KMT2C: variants seen among roughly 807,000 people sequenced by gnomAD.
KMT2C encodes histone-lysine N-methyltransferase 2C.
KMT2C carries 88 observed loss-of-function variants against 507.9 expected under a neutral mutation model. The observed-to-expected ratio is 0.17, with a 90% CI of 0.15 to 0.21. The LOEUF (loss-of-function observed/expected upper bound fraction) is 0.21, where lower values mean the gene tolerates loss of function less well. Among genes scored for constraint, KMT2C ranks in the 10% least tolerant of loss-of-function variants. KMT2C has a pLI of 1.00. For synonymous variants in KMT2C, 2,049 were observed against 2,080.8 expected (o/e 0.98, Z 0.42); for missense variants, 4,954 against 5,957.8 (o/e 0.83, Z 5.55).
chr7:152,255,128 T>TATATAC (rs2095632662), intron 9 of KMT2C, among the ~76,000 whole-genome samples: 1 of 127,374 alleles, frequency 7.9e-6, no homozygotes, highest in South Asian at 2.4e-4. Context: ...TATATATATA[T>TATATAC]ATATATATAT....
intron 39 of KMT2C, among the ~76,000 whole-genome samples, chr7:152,171,638 A>G (rs1163378425): frequency 6.6e-6 from 1 of 152,262 alleles, no homozygotes; most frequent in African/African-American, 2.4e-5. Context: ...GAAGCCAGCT[A>G]GGCTGACTCT....
At chr7:152,147,737 A>C (rs1483992827) in intron 52 of KMT2C, among the ~76,000 whole-genome samples, 1 of 151,084 alleles carries the variant, frequency 6.6e-6, no homozygotes, top group East Asian at 1.9e-4. Context: ...AAGAAAAAGA[A>C]AAAGAAAAAG....
chr7:152,195,960 T>A lies in KMT2C; in HGVS notation c.4325A>T (p.Asp1442Val), dbSNP rs1317486438. 6.2e-7 allele frequency: 1 copy of A among 1,610,944 alleles called. No individual in the cohort carries two copies. The highest frequency in any genetic ancestry group is 1.1e-5 in the South Asian group (1 of 90,814). The change falls in exon 28 of 59, where the codon GAT becomes GTT. Residue 1442 changes from aspartate (D) to valine (V), a missense_variant. Asp to Val is a radical substitution (Grantham distance 152). Coordinates refer to ENST00000262189, the MANE Select transcript of KMT2C (RefSeq NM_170606.3). ...ADISEVLNTD[D>V]DILGIISDDL... ...ATCTGAAATTATTCCAAGAATGTCATCATCTGTGTTTAAAACTTCAGAAAT... is the reference window on the plus strand; with the variant it reads ...ATCTGAAATTATTCCAAGAATGTCAACATCTGTGTTTAAAACTTCAGAAAT...
chr7:152,154,169 G>A (rs2091870697), intron 47 of KMT2C, 23 bp from the exon 48 acceptor site: 2 of 1,611,940 alleles, frequency 1.2e-6, no homozygotes, highest in Non-Finnish European at 1.7e-6. Flanking sequence ...AGAAAAAAAA[G>A]AGGAAAATAG....
intron 31 of KMT2C, among the ~76,000 whole-genome samples, chr7:152,189,332 T>C (rs1332732504): frequency 6.6e-6 from 1 of 152,212 alleles, no homozygotes; most frequent in Non-Finnish European, 1.5e-5. Context: ...CTTGATGATT[T>C]GTGGAAATAC....
intron 34 of KMT2C, 140 bp downstream of exon 34, chr7:152,185,418 C>G (rs2093595602): frequency 3.3e-6 from 2 of 600,500 alleles, no homozygotes; most frequent in East Asian, 5.7e-5. Flanking sequence ...TAGAAAATCA[C>G]TTTAAAAATA....
At chr7:152,421,833 C>T (rs549095101) in intron 1 of KMT2C, among the ~76,000 whole-genome samples, 20 of 152,084 alleles carry the variant, frequency 1.3e-4, no homozygotes, top group Non-Finnish European at 1.3e-4. Context: ...TAAGCCTCAG[C>T]GACACGCAAT....
intron 9 of KMT2C, among the ~76,000 whole-genome samples, chr7:152,261,776 C>A (rs934240285): frequency 9.2e-5 from 14 of 152,092 alleles, no homozygotes; most frequent in African/African-American, 3.1e-4. Flanking sequence ...AGTAGAGGAA[C>A]TGAGTGAAGA....
chr7:152,425,748 G>T (rs1336366083), intron 1 of KMT2C, among the ~76,000 whole-genome samples: 1 of 151,854 alleles, frequency 6.6e-6, no homozygotes, highest in Non-Finnish European at 1.5e-5. Context: ...AGGAAATCAA[G>T]GAAATTCTTT....
chr7:152,226,565 A>G (rs2094940575), intron 18 of KMT2C, among the ~76,000 whole-genome samples: 1 of 152,120 alleles, frequency 6.6e-6, no homozygotes, highest in Non-Finnish European at 1.5e-5. Flanking sequence ...TTGATTTTTA[A>G]ACATGTATAT....
chr7:152,396,633 G>A lies in KMT2C; in HGVS notation c.162-37958C>T, dbSNP rs142041110. Reference sequence around the variant, plus strand: ...TACCAAAAAGAAAACGACAATTGCTGATTTTCATTCTAGGAACAAAGTGCC... The same window carrying A: ...TACCAAAAAGAAAACGACAATTGCTAATTTTCATTCTAGGAACAAAGTGCC... On this transcript the variant is annotated intron_variant, in intron 1 of 58. Coordinates refer to ENST00000262189, the MANE Select transcript of KMT2C (RefSeq NM_170606.3). 2.2e-4 allele frequency among the ~76,000 whole-genome samples: 34 copies of A among 152,310 alleles called. 1 individual carries two copies. Among genetic ancestry groups the A allele is most frequent in the African/African-American group, 7.0e-4 (29 of 41,578 alleles).
At chr7:152,174,369 A>G in intron 38 of KMT2C, 127 bp from the exon 39 acceptor site, 1 of 564,846 alleles carries the variant, frequency 1.8e-6, no homozygotes. Flanking sequence ...TGAGATGGCA[A>G]CCTTATCCTG....
Position 152,176,645 on chromosome 7 carries a change from C to T in KMT2C, c.8808G>A (p.Gly2936=), listed in dbSNP as rs768143777. 1.9e-6 allele frequency: 3 copies of T among 1,614,184 alleles called. No individual in the cohort carries two copies. The highest frequency in any genetic ancestry group is 1.7e-6 in the Non-Finnish European group (2 of 1,180,038). Residue 2936 remains glycine (G), a synonymous_variant, in exon 38 of 59, where the codon GGG becomes GGA. Transcript: ENST00000262189. ...KSDNSDIRPS[G]SPPPPTLPAS... is the part of the protein sequence containing the mutation. ...CCGGCAGAGTTGGTGGTGGTGGAGA[C>T]CCCGATGGCCTAATGTCTGAATTAT... is the stretch of plus-strand genomic sequence containing the variant.
chr7:152,188,381 TG>T (rs2093685224), intron 31 of KMT2C, among the ~76,000 whole-genome samples: 1 of 152,150 alleles, frequency 6.6e-6, no homozygotes. Context: ...TTCTGTTATT[TG>T]GGTTAATTGA....
At chr7:152,348,613 AAAAAAAAAAAAG>A (rs1410915120) in intron 2 of KMT2C, among the ~76,000 whole-genome samples, 5 of 149,528 alleles carry the variant, frequency 3.3e-5, no homozygotes, top group Admixed American at 2.7e-4. Flanking sequence ...AAAAAAAAAA[AAAAAAAAAAAAG>A]AAAGAAAGAA....
chr7:152,164,756 T>C lies in KMT2C; in HGVS notation c.9751-930A>G, dbSNP rs147767902. On this transcript the variant is annotated intron_variant, in intron 42 of 58. Transcript: ENST00000262189. ...GGAAGTATTTTGAATAGTCTGTAAA[T>C]AGACTCTTAATATAATGGCTAATAT... Among the ~76,000 whole-genome samples the C allele has an allele frequency of 4.7e-4, 72 of 152,360 alleles. 1 individual carries two copies. The highest frequency in any genetic ancestry group is 1.0e-3 in the Admixed American group (16 of 15,308).
At chr7:152,186,668 T>C (rs1347142787) in intron 33 of KMT2C, among the ~76,000 whole-genome samples, 1 of 152,214 alleles carries the variant, frequency 6.6e-6, no homozygotes, top group Non-Finnish European at 1.5e-5. Flanking sequence ...TGAATAACTT[T>C]TTCAATCCTA....
At chr7:152,218,482 A>T (rs1415569108) in intron 23 of KMT2C, among the ~76,000 whole-genome samples, 2 of 151,828 alleles carry the variant, frequency 1.3e-5, no homozygotes, top group Non-Finnish European at 2.9e-5. Flanking sequence ...CAAATGACAT[A>T]CCTTTTCAAA....
chr7:152,213,637 C>T (rs1486725244), intron 23 of KMT2C, among the ~76,000 whole-genome samples: 1 of 151,982 alleles, frequency 6.6e-6, no homozygotes, highest in Non-Finnish European at 1.5e-5. Flanking sequence ...GAGAAAAACT[C>T]CTTGATATCC....
Sources: gnomAD v4.1 joint callset for allele counts (sites outside exome capture counted in the v4.1 genomes callset) on GRCh38, gnomAD v4.1.1 for gene constraint, MANE v1.5 for transcripts, NCBI Gene and HGNC (gene_info 2026-07-23, HGNC 2026-07-21) for gene names.